The following FSCB variants were observed in gnomAD, a reference collection of about 807,000 sequenced individuals.
FSCB encodes the protein fibrous sheath CABYR-binding protein.
For synonymous variants in FSCB, 331 were observed against 336.6 expected (o/e 0.98, Z 0.18); for missense variants, 975 against 934.8 (o/e 1.04, Z -0.56).
At position 44,506,696 on chromosome 14, in the gene FSCB, A is replaced by C; in HGVS notation, c.292T>G (p.Ser98Ala). The C allele has an allele frequency of 6.2e-7, 1 of 1,614,176 alleles. No homozygotes were observed. Among genetic ancestry groups the C allele is most frequent in the Non-Finnish European group, 8.5e-7 (1 of 1,180,036 alleles). ...VEETVVPEEK[S>A]ADVREAAIEL... ...ATAGCAGCTTCTCTAACATCAGCTG[A>C]CTTTTCTTCAGGTACCACGGTTTCC... The change falls in exon 1 of 1, where the codon TCA becomes GCA. Residue 98 changes from serine (S) to alanine (A), a missense_variant. By Grantham distance (99) the Ser-to-Ala change is moderately conservative. Coordinates refer to ENST00000340446, the MANE Select transcript of FSCB (RefSeq NM_032135.4).
At position 44,505,149 on chromosome 14, in the gene FSCB, T is replaced by A. The variant is rs534168137; in HGVS notation, c.1839A>T (p.Pro613=). 3.9e-5 allele frequency: 63 copies of A among 1,609,702 alleles called. No individual in the cohort carries two copies. The highest frequency in any genetic ancestry group is 5.1e-5 in the Non-Finnish European group (60 of 1,179,642). Reference sequence around the variant, plus strand: ...CTTCAGCGGGGGCCTCCTCAGCTGGTGGAGGCTGAACTTCAGCAGGAGCCT... The same window carrying A: ...CTTCAGCGGGGGCCTCCTCAGCTGGAGGAGGCTGAACTTCAGCAGGAGCCT... ...AEEAPAEVQP[P]PAEEAPAEVQ... The change falls in exon 1 of 1, where the codon CCA becomes CCT. Residue 613 remains proline, a synonymous_variant. Coordinates refer to ENST00000340446, the MANE Select transcript of FSCB (RefSeq NM_032135.4).
Position 44,506,375 on chromosome 14 carries a change from T to A in FSCB, c.613A>T (p.Asn205Tyr), listed in dbSNP as rs897982395. The change falls in exon 1 of 1, where the codon AAT (asparagine) becomes TAT (tyrosine). Residue 205 changes from asparagine to tyrosine, a missense_variant. Asn to Tyr is a moderately radical substitution (Grantham distance 143, BLOSUM62 -2). Transcript: ENST00000340446. ...HPEFQPATNS[N>Y]EEIGQKNISR... ...ATATTTTTCTGCCCAATTTCTTCAT[T>A]GCTGTTTGTTGCTGGTTGAAATTCA... 11 of 1,614,168 alleles carry A rather than the reference T, an allele frequency of 6.8e-6. No homozygotes were observed. In the Admixed American group the frequency reaches 1.5e-4, roughly 22 times the overall value.
At position 44,504,477 on chromosome 14, in the gene FSCB, T is replaced by C. The variant is rs201036386; in HGVS notation, c.*33A>G. ...TAAAGTATGTTCTTCCAAAACCATG[T>C]AGCTTCTGATTGCTAGCTTAGGTAC... is the stretch of plus-strand genomic sequence containing the variant. On this transcript the variant is annotated 3_prime_UTR_variant, in exon 1 of 1. Transcript: ENST00000340446. The C allele has an allele frequency of 2.4e-4, 364 of 1,507,380 alleles. 3 individuals are homozygous for C. In the African/African-American group the frequency reaches 4.8e-3, roughly 20 times the overall value. The allele number at this position is 1,507,380 out of a possible 1,614,324, so 93.4% of individuals were successfully genotyped here. A position where few individuals can be genotyped will look rare whatever the true frequency, so the allele number is the denominator to read the frequency against.
chr14:44,506,364 A>C lies in FSCB; in HGVS notation c.624T>G (p.Ile208Met), dbSNP rs768178319. 6.2e-7 allele frequency: 1 copy of C among 1,613,988 alleles called. No individual in the cohort carries two copies. Among genetic ancestry groups the C allele is most frequent in the Non-Finnish European group, 8.5e-7 (1 of 1,180,022 alleles). Residue 208 changes from isoleucine (I) to methionine (M), a missense_variant, in exon 1 of 1, where the codon ATT becomes ATG. Coordinates refer to ENST00000340446, the MANE Select transcript of FSCB (RefSeq NM_032135.4). ...FQPATNSNEEIGQKNISRTSF... is the reference protein window; with the variant it reads ...FQPATNSNEEMGQKNISRTSF... ...AAGTTCTGCTGATATTTTTCTGCCCAATTTCTTCATTGCTGTTTGTTGCTG... is the reference window on the plus strand; with the variant it reads ...AAGTTCTGCTGATATTTTTCTGCCCCATTTCTTCATTGCTGTTTGTTGCTG...
chr14:44,505,541 G>A lies in FSCB; in HGVS notation c.1447C>T (p.Pro483Ser), dbSNP rs1483221178. The change falls in exon 1 of 1, where the codon CCT becomes TCT. Residue 483 changes from proline (P) to serine (S), a missense_variant. By Grantham distance (74) the Pro-to-Ser change is moderately conservative. Transcript: ENST00000340446. ...GCTTCGGCAGGAGTTTCATCTGCAG[G>A]AGGCTCCGTAGCTGCTAGAAGCTGA... is the stretch of plus-strand genomic sequence containing the variant. ...EIQLLAATEP[P>S]ADETPAEARS... 5 of 1,611,070 alleles carry A rather than the reference G, an allele frequency of 3.1e-6. No homozygotes were observed. The highest frequency in any genetic ancestry group is 3.4e-6 in the Non-Finnish European group (4 of 1,179,572).
Position 44,506,059 on chromosome 14 carries a change from G to A in FSCB, c.929C>T (p.Ala310Val), listed in dbSNP as rs147180788. Reference sequence around the variant, plus strand: ...AGGCTGAACTTTAACAGAATTCTCCGCAACTGCAGTGGCTGCCTCAGCATC... The same window carrying A: ...AGGCTGAACTTTAACAGAATTCTCCACAACTGCAGTGGCTGCCTCAGCATC... The part of the protein sequence containing the change: ...TPDAEAATAV[A>V]ENSVKVQPPP... Residue 310 changes from alanine (A) to valine (V), a missense_variant, in exon 1 of 1, where the codon GCG becomes GTG. Coordinates refer to ENST00000340446, the MANE Select transcript of FSCB (RefSeq NM_032135.4). 1.4e-4 allele frequency: 220 copies of A among 1,613,970 alleles called. No homozygotes were observed. Among genetic ancestry groups the A allele is most frequent in the Non-Finnish European group, 1.7e-4 (201 of 1,180,032 alleles).
Position 44,505,549 on chromosome 14 carries a change from G to A in FSCB, c.1439C>T (p.Thr480Met), listed in dbSNP as rs763071301. The A allele has an allele frequency of 1.4e-5, 23 of 1,610,512 alleles. No individual in the cohort carries two copies. Among genetic ancestry groups the A allele is most frequent in the South Asian group, 2.2e-5 (2 of 90,856 alleles). ...ASAEIQLLAATEPPADETPAE... is the reference protein window; with the variant it reads ...ASAEIQLLAAMEPPADETPAE... ...AGGAGTTTCATCTGCAGGAGGCTCCGTAGCTGCTAGAAGCTGAATTTCAGC... is the reference window on the plus strand; with the variant it reads ...AGGAGTTTCATCTGCAGGAGGCTCCATAGCTGCTAGAAGCTGAATTTCAGC... The change falls in exon 1 of 1, where the codon ACG becomes ATG. Residue 480 changes from threonine to methionine, a missense_variant. By Grantham distance (81) the Thr-to-Met change is moderately conservative (BLOSUM62 -1). Coordinates refer to ENST00000340446, the MANE Select transcript of FSCB (RefSeq NM_032135.4).
rs1217725662 is a variant in FSCB at position 44,506,143 on chromosome 14, T to C, written c.845A>G (p.Glu282Gly). The C allele has an allele frequency of 1.9e-6, 3 of 1,614,194 alleles. No homozygotes were observed. The highest frequency in any genetic ancestry group is 2.5e-6 in the Non-Finnish European group (3 of 1,180,046). The change falls in exon 1 of 1, where the codon GAG becomes GGG. Residue 282 changes from glutamate (E) to glycine (G), a missense_variant. Physicochemically the swap from Glu to Gly is moderately conservative, Grantham distance 98 (BLOSUM62 -2). Transcript: ENST00000340446. ...PLVEEATAKA[E>G]PRPAEETHVQ... ...ATGGGTCTCTTCAGCAGGTCTGGGC[T>C]CCGCTTTAGCAGTGGCCTCTTCAAC...
rs754075696 is a variant in FSCB, at chr14:44,506,140, G to T, written c.848C>A (p.Pro283His). Residue 283 changes from proline (P) to histidine (H), a missense_variant, in exon 1 of 1, where the codon CCC becomes CAC. Physicochemically the swap from Pro to His is moderately conservative, Grantham distance 77 (BLOSUM62 -2). Transcript: ENST00000340446. The stretch of plus-strand genomic sequence containing the variant: ...GACATGGGTCTCTTCAGCAGGTCTG[G>T]GCTCCGCTTTAGCAGTGGCCTCTTC... ...LVEEATAKAE[P>H]RPAEETHVQV... is the part of the protein sequence containing the mutation. The T allele has an allele frequency of 6.2e-7, 1 of 1,614,160 alleles. No homozygotes were observed. The highest frequency in any genetic ancestry group is 1.1e-5 in the South Asian group (1 of 91,076).
chr14:44,504,896 C>A lies in FSCB; in HGVS notation c.2092G>T (p.Ala698Ser), dbSNP rs769975321. 29 of 1,613,988 alleles carry A rather than the reference C, an allele frequency of 1.8e-5. No individual in the cohort carries two copies. In the South Asian group the frequency reaches 3.2e-4, roughly 18 times the overall value. Reference sequence around the variant, plus strand: ...TCATCAGCTGGGGGAGAGTGTACTGCAGCAAGGGTCTCTTCTATAGGAGTC... The same window carrying A: ...TCATCAGCTGGGGGAGAGTGTACTGAAGCAAGGGTCTCTTCTATAGGAGTC... Reference protein sequence around the residue: ...EETPIEETLAAVHSPPADDVP... With the variant: ...EETPIEETLASVHSPPADDVP... The change falls in exon 1 of 1, where the codon GCA becomes TCA. Residue 698 changes from alanine to serine, a missense_variant. Transcript: ENST00000340446.
chr14:44,506,217 T>C lies in FSCB; in HGVS notation c.771A>G (p.Ile257Met), dbSNP rs774292188. Residue 257 changes from isoleucine (I) to methionine (M), a missense_variant, in exon 1 of 1, where the codon ATA becomes ATG. Physicochemically the swap from Ile to Met is conservative, Grantham distance 10. Transcript: ENST00000340446. Reference sequence around the variant, plus strand: ...GGAATTTTTCTGTTGATGGAGGCTCTATTTCAGCAGAAGCCACTTTTTTAA... The same window carrying C: ...GGAATTTTTCTGTTGATGGAGGCTCCATTTCAGCAGAAGCCACTTTTTTAA... ...SAVKKVASAE[I>M]EPPSTEKFPA... The C allele has an allele frequency of 1.2e-6, 2 of 1,614,102 alleles. No individual in the cohort carries two copies. The highest frequency in any genetic ancestry group is 1.7e-5 in the Admixed American group (1 of 60,010).
Position 44,504,771 on chromosome 14 carries a change from T to C in FSCB, c.2217A>G (p.Ser739=). Residue 739 remains serine (S), a synonymous_variant, in exon 1 of 1, where the codon TCA becomes TCG. Coordinates refer to ENST00000340446, the MANE Select transcript of FSCB (RefSeq NM_032135.4). ...FPIGEASAEV[S]PPPSEQTPED... Reference sequence around the variant, plus strand: ...CAGGGGTTTGTTCAGATGGTGGAGGTGAAACTTCAGCAGAGGCCTCTCCTA... The same window carrying C: ...CAGGGGTTTGTTCAGATGGTGGAGGCGAAACTTCAGCAGAGGCCTCTCCTA... 1 of 1,613,974 alleles carries C rather than the reference T, an allele frequency of 6.2e-7. No individual in the cohort carries two copies. The highest frequency in any genetic ancestry group is 1.1e-5 in the South Asian group (1 of 91,080).
rs766733874 is a variant in FSCB at position 44,504,745 on chromosome 14, T to C, written c.2243A>G (p.Glu748Gly). The C allele has an allele frequency of 3.1e-6, 5 of 1,614,188 alleles. No individual in the cohort carries two copies. Among genetic ancestry groups the C allele is most frequent in the Non-Finnish European group, 4.2e-6 (5 of 1,180,032 alleles). ...CACATTCTCTACCAGAGCCTCATCTTCAGGGGTTTGTTCAGATGGTGGAGG... is the reference window on the plus strand; with the variant it reads ...CACATTCTCTACCAGAGCCTCATCTCCAGGGGTTTGTTCAGATGGTGGAGG... ...VSPPPSEQTP[E>G]DEALVENVST... is the part of the protein sequence containing the mutation. Residue 748 changes from glutamate (E) to glycine (G), a missense_variant, in exon 1 of 1, where the codon GAA becomes GGA. Glu to Gly is a moderately conservative substitution (Grantham distance 98). Transcript: ENST00000340446.
chr14:44,505,660 G>GA, the FSCB span: 1 of 1,613,486 alleles, frequency 6.2e-7, no homozygotes, highest in Non-Finnish European at 8.5e-7. Context: ...CATAGCTGTT[G>GA]AAAGCTGAAG....
Position 44,505,222 on chromosome 14 carries a change from G to A in FSCB, c.1766C>T (p.Ala589Val). Residue 589 changes from alanine (A) to valine (V), a missense_variant, in exon 1 of 1, where the codon GCC (alanine) becomes GTC (valine). Coordinates refer to ENST00000340446, the MANE Select transcript of FSCB (RefSeq NM_032135.4). ...TGCTAGAAGCTGAATTGCAGCAGAGGCCTCTTCTGCAGTGGTCTCTTCACC... is the reference window on the plus strand; with the variant it reads ...TGCTAGAAGCTGAATTGCAGCAGAGACCTCTTCTGCAGTGGTCTCTTCACC... ...PSGEETTAEEASAAIQLLAAT... is the reference protein window; with the variant it reads ...PSGEETTAEEVSAAIQLLAAT... The A allele has an allele frequency of 6.2e-7, 1 of 1,612,982 alleles. No individual in the cohort carries two copies. Among genetic ancestry groups the A allele is most frequent in the Non-Finnish European group, 8.5e-7 (1 of 1,179,836 alleles).
In FSCB at chr14:44,504,586, T is replaced by C. The variant is rs1044094652; in HGVS notation, c.2402A>G (p.Asn801Ser). 1.2e-5 allele frequency: 19 copies of C among 1,613,980 alleles called. No individual in the cohort carries two copies. Among genetic ancestry groups the C allele is most frequent in the African/African-American group, 2.7e-5 (2 of 74,948 alleles). ...TTCAAGAGTGGGAGCCTGTCCATCATTGGTATTAGACAAATCTTTAAGGAC... is the reference window on the plus strand; with the variant it reads ...TTCAAGAGTGGGAGCCTGTCCATCACTGGTATTAGACAAATCTTTAAGGAC... ...NSVLKDLSNT[N>S]DGQAPTLEIE... Residue 801 changes from asparagine to serine, a missense_variant, in exon 1 of 1, where the codon AAT (asparagine) becomes AGT (serine). Physicochemically the swap from Asn to Ser is conservative, Grantham distance 46. Coordinates refer to ENST00000340446, the MANE Select transcript of FSCB (RefSeq NM_032135.4).
At position 44,506,341 on chromosome 14, in the gene FSCB, G is replaced by T. The variant is rs762872354; in HGVS notation, c.647C>A (p.Thr216Asn). 1 of 1,614,176 alleles carries T rather than the reference G, an allele frequency of 6.2e-7. No homozygotes were observed. Among genetic ancestry groups the T allele is most frequent in the Non-Finnish European group, 8.5e-7 (1 of 1,180,030 alleles). ...TTTTTTAGTCTCCTGAGTAAATGAA[G>T]TTCTGCTGATATTTTTCTGCCCAAT... Reference protein sequence around the residue: ...EEIGQKNISRTSFTQETKKGP... With the variant: ...EEIGQKNISRNSFTQETKKGP... The change falls in exon 1 of 1, where the codon ACT becomes AAT. Residue 216 changes from threonine to asparagine, a missense_variant. Thr to Asn is a moderately conservative substitution (Grantham distance 65). Transcript: ENST00000340446.
In FSCB at chr14:44,504,319, T is replaced by A; in HGVS notation, c.*191A>T. ...ATAGGTATTTTTCATGCCATAAATT[T>A]GAATGAAATTAACACAAGTAATTTT... On this transcript the variant is annotated 3_prime_UTR_variant, in exon 1 of 1. Coordinates refer to ENST00000340446, the MANE Select transcript of FSCB (RefSeq NM_032135.4). 2.3e-6 allele frequency: 1 copy of A among 437,004 alleles called. No individual in the cohort carries two copies. The allele number at this position is 437,004 out of a possible 1,614,324, so 27.1% of individuals were successfully genotyped here. A position where few individuals can be genotyped will look rare whatever the true frequency, so the allele number is the denominator to read the frequency against.
chr14:44,505,544 G>T lies in FSCB; in HGVS notation c.1444C>A (p.Pro482Thr), dbSNP rs1212339955. 1.9e-6 allele frequency: 3 copies of T among 1,605,626 alleles called. No individual in the cohort carries two copies. The highest frequency in any genetic ancestry group is 2.3e-5 in the East Asian group (1 of 44,438). The change falls in exon 1 of 1, where the codon CCT (proline) becomes ACT (threonine). Residue 482 changes from proline (P) to threonine (T), a missense_variant. Transcript: ENST00000340446. ...AEIQLLAATE[P>T]PADETPAEAR... ...TCGGCAGGAGTTTCATCTGCAGGAG[G>T]CTCCGTAGCTGCTAGAAGCTGAATT...
Sources: gnomAD v4.1 joint callset for allele counts on GRCh38, gnomAD v4.1.1 for gene constraint, MANE v1.5 for transcripts, NCBI Gene and HGNC (gene_info 2026-07-23, HGNC 2026-07-21) for gene names.